Variants in GRID1 observed in about 807,000 individuals in gnomAD.
GRID1 encodes glutamate receptor ionotropic, delta-1.
A neutral mutation model predicts 98.0 loss-of-function variants in GRID1; 28 were observed. The ratio of observed to expected loss-of-function variants is 0.29; its 90% CI spans 0.21 to 0.39. The LOEUF (loss-of-function observed/expected upper bound fraction) is 0.39, where lower values mean the gene tolerates loss of function less well. Ranked by LOEUF, GRID1 falls within the 10% of genes least tolerant of loss-of-function variation. GRID1 has a pLI of 1.00. For missense variants in GRID1, 1,111 were observed against 1,340.5 expected, an observed-to-expected ratio of 0.83 and a Z score of 2.67; for synonymous variants, 553 against 538.5, an observed-to-expected ratio of 1.03 and a Z score of -0.37.
intron 8 of GRID1, among the ~76,000 whole-genome samples, chr10:85,826,390 T>A (rs1842820682): frequency 1.3e-5 from 2 of 152,210 alleles, no homozygotes; most frequent in South Asian, 4.2e-4. Context: ...TCAGATTAGA[T>A]TTGATTTTTA....
chr10:86,123,689 T>C (rs1183001765), intron 4 of GRID1, among the ~76,000 whole-genome samples: 1 of 152,204 alleles, frequency 6.6e-6, no homozygotes, highest in African/African-American at 2.4e-5. Context: ...CCGAATTCCC[T>C]GCTGAAAGAA....
chr10:85,634,000 T>C (rs548091710), intron 13 of GRID1, among the ~76,000 whole-genome samples: 112 of 152,092 alleles, frequency 7.4e-4, no homozygotes, highest in African/African-American at 2.5e-3. Flanking sequence ...GGAGAAACCC[T>C]GTCTCTACTA....
intron 3 of GRID1, among the ~76,000 whole-genome samples, chr10:86,183,074 T>C (rs925194804): frequency 2.6e-5 from 4 of 152,210 alleles, no homozygotes; most frequent in African/African-American, 4.8e-5. Flanking sequence ...ATACTGAACA[T>C]ACTCCCCAAA....
chr10:85,951,830 T>C (rs1468302580), intron 4 of GRID1, among the ~76,000 whole-genome samples: 3 of 152,130 alleles, frequency 2.0e-5, no homozygotes, highest in East Asian at 1.9e-4. Flanking sequence ...CAGGGCCCTG[T>C]TGCCACCCCA....
chr10:86,364,656 T>C (rs1413312419), intron 1 of GRID1, among the ~76,000 whole-genome samples: 1 of 152,248 alleles, frequency 6.6e-6, no homozygotes, highest in Non-Finnish European at 1.5e-5. Flanking sequence ...TCGGATGGCC[T>C]GCAGCTTGGA....
At chr10:85,648,997 T>C (rs1843232028) in intron 12 of GRID1, among the ~76,000 whole-genome samples, 1 of 152,170 alleles carries the variant, frequency 6.6e-6, no homozygotes, top group Non-Finnish European at 1.5e-5. Context: ...TCCAAATATT[T>C]TAATAATGGA....
At chr10:86,254,123 G>A (rs890989078) in intron 2 of GRID1, among the ~76,000 whole-genome samples, 1 of 152,038 alleles carries the variant, frequency 6.6e-6, no homozygotes, top group African/African-American at 2.4e-5. Flanking sequence ...CTATGTGCAT[G>A]ACAGCAAACA....
intron 2 of GRID1, among the ~76,000 whole-genome samples, chr10:86,265,308 T>C (rs1847087564): frequency 6.6e-6 from 1 of 152,270 alleles, no homozygotes; most frequent in African/African-American, 2.4e-5. Context: ...ATGGCTGCTA[T>C]TGCAAAAGTG....
rs1844008186 is a variant in GRID1, at chr10:86,083,555, G to A, written c.726+55264C>T. Among the ~76,000 whole-genome samples, 4 of 152,212 alleles carry A rather than the reference G, an allele frequency of 2.6e-5. No homozygotes were observed. The South Asian group carries it at 8.3e-4, about 32-fold the overall frequency. On this transcript the variant is annotated intron_variant, in intron 4 of 15. Transcript: ENST00000327946. Reference sequence around the variant, plus strand: ...AGCGGACATTGCACGAAGCGATGGGGAACAACTACAACTTATATTCCTTTT... The same window carrying A: ...AGCGGACATTGCACGAAGCGATGGGAAACAACTACAACTTATATTCCTTTT...
In GRID1 at chr10:86,266,059, G is replaced by A. The variant is rs566407886; in HGVS notation, c.236-59411C>T. ...TCTAAACTTCCCCGTGGAGCGCTGAGACAAGAAACAGACACACCAGAGCTC... is the reference window on the plus strand; with the variant it reads ...TCTAAACTTCCCCGTGGAGCGCTGAAACAAGAAACAGACACACCAGAGCTC... On this transcript the variant is annotated intron_variant, in intron 2 of 15. Transcript: ENST00000327946. Among the ~76,000 whole-genome samples the A allele has an allele frequency of 1.1e-4, 17 of 152,150 alleles. No individual in the cohort carries two copies. In the South Asian group the frequency reaches 3.3e-3, roughly 30 times the overall value.
intron 4 of GRID1, among the ~76,000 whole-genome samples, chr10:86,013,890 T>C (rs1842949028): frequency 6.6e-6 from 1 of 152,226 alleles, no homozygotes; most frequent in Admixed American, 6.5e-5. Context: ...AGCTCAGTGC[T>C]GTATGGTTTG....
chr10:85,649,736 C>T (rs944213882), intron 12 of GRID1, among the ~76,000 whole-genome samples: 17 of 152,098 alleles, frequency 1.1e-4, no homozygotes, highest in Non-Finnish European at 2.1e-4. Context: ...AAGGCGCCCA[C>T]GGCCAGAGGC....
chr10:86,059,271 G>A (rs929302676), intron 4 of GRID1, among the ~76,000 whole-genome samples: 16 of 152,224 alleles, frequency 1.1e-4, no homozygotes, highest in Non-Finnish European at 2.1e-4. Context: ...TACATCATGA[G>A]TGAGAGAGGG....
At chr10:86,092,699 T>C (rs1844166843) in intron 4 of GRID1, among the ~76,000 whole-genome samples, 1 of 152,150 alleles carries the variant, frequency 6.6e-6, no homozygotes, top group Non-Finnish European at 1.5e-5. Context: ...ATCCTAAACA[T>C]ACATGCAGCT....
chr10:85,814,625 A>G (rs868551825), intron 8 of GRID1, among the ~76,000 whole-genome samples: 14 of 151,948 alleles, frequency 9.2e-5, no homozygotes, highest in Non-Finnish European at 1.6e-4. Flanking sequence ...ACATACTTTT[A>G]AATGATATTA....
chr10:86,099,113 C>A (rs1844259582), intron 4 of GRID1, among the ~76,000 whole-genome samples: 1 of 152,226 alleles, frequency 6.6e-6, no homozygotes, highest in Non-Finnish European at 1.5e-5. Flanking sequence ...CACATAACCA[C>A]TAACCACCAG....
chr10:85,732,320 T>C (rs1841834926), intron 8 of GRID1, among the ~76,000 whole-genome samples: 1 of 152,166 alleles, frequency 6.6e-6, no homozygotes, highest in African/African-American at 2.4e-5. Flanking sequence ...ATGTGACCAT[T>C]CCAGGCACTC....
chr10:85,811,544 A>T (rs1842670850), intron 8 of GRID1, among the ~76,000 whole-genome samples: 1 of 152,180 alleles, frequency 6.6e-6, no homozygotes, highest in African/African-American at 2.4e-5. Context: ...CTAGACCTGA[A>T]AAACTTAATG....
At chr10:85,976,905 T>C (rs567898211) in intron 4 of GRID1, among the ~76,000 whole-genome samples, 1 of 152,348 alleles carries the variant, frequency 6.6e-6, no homozygotes, top group African/African-American at 2.4e-5. Flanking sequence ...CCAACCATAA[T>C]GGGAACTTGT....
Sources: gnomAD v4.1 joint callset for allele counts (sites outside exome capture counted in the v4.1 genomes callset) on GRCh38, gnomAD v4.1.1 for gene constraint, MANE v1.5 for transcripts, NCBI Gene and HGNC (gene_info 2026-07-23, HGNC 2026-07-21) for gene names.